The following MALRD1 variants were observed in gnomAD, a reference collection of about 807,000 sequenced individuals.
MALRD1 encodes MAM and LDL receptor class A domain containing 1.
In MALRD1, 247 loss-of-function variants were observed where a neutral mutation model predicts 242.1. The ratio of observed to expected loss-of-function variants is 1.02; its 90% CI spans 0.92 to 1.13. MALRD1 has a LOEUF of 1.13. Ranked by LOEUF, MALRD1 falls within the 50% of genes most tolerant of loss-of-function variation. MALRD1 has a pLI of 0.00. For missense variants in MALRD1, 2,989 were observed against 2,533.1 expected (o/e 1.18, Z -3.86); for synonymous variants, 995 against 866.6 (o/e 1.15, Z -2.60).
At chr10:19,582,695 T>G (rs1837191418) in intron 33 of MALRD1, among the ~76,000 whole-genome samples, 1 of 119,096 alleles carries the variant, frequency 8.4e-6, no homozygotes, top group African/African-American at 3.1e-5. Context: ...AGGATTGACT[T>G]GGCGATGCGG....
At position 19,257,687 on chromosome 10, in the gene MALRD1, T is replaced by C. The variant is rs1381055759; in HGVS notation, c.2995T>C (p.Leu999=). Residue 999 remains leucine (L), a synonymous_variant, in exon 19 of 40, where the codon TTG becomes CTG. Coordinates refer to ENST00000454679, the MANE Select transcript of MALRD1 (RefSeq NM_001142308.3). ...ATTTTTTATTTTATTTTTTTAGATA[T>C]TGGTGGAGGCTTCAGTGGGAGATGG... ...NISSRQPFQI[L]VEASVGDGFT... The C allele has an allele frequency of 5.2e-6, 8 of 1,530,624 alleles. No homozygotes were observed. In the Admixed American group the frequency reaches 1.4e-4, roughly 27 times the overall value. 94.8% of individuals were successfully genotyped at this position (1,530,624 alleles called of 1,614,324 possible). A position where few individuals can be genotyped will look rare whatever the true frequency, so the allele number is the denominator to read the frequency against.
Position 19,531,357 on chromosome 10 carries a change from A to G in MALRD1, c.5478+6A>G. On this transcript the variant is annotated splice_donor_region_variant and intron_variant, in intron 32 of 39. Transcript: ENST00000454679. Reference sequence around the variant, plus strand: ...GGAGTATGGGAATATTAAAGGTACAAAAGGAAGCCAGAGATTTATGATCAC... The same window carrying G: ...GGAGTATGGGAATATTAAAGGTACAGAAGGAAGCCAGAGATTTATGATCAC... The G allele has an allele frequency of 1.3e-6, 2 of 1,520,698 alleles. No individual in the cohort carries two copies. Among genetic ancestry groups the G allele is most frequent in the Non-Finnish European group, 1.8e-6 (2 of 1,127,132 alleles). 94.2% of individuals were successfully genotyped at this position (1,520,698 alleles called of 1,614,324 possible). A position where few individuals can be genotyped will look rare whatever the true frequency, so the allele number is the denominator to read the frequency against.
At chr10:19,551,540 C>A (rs1230110009) in intron 32 of MALRD1, among the ~76,000 whole-genome samples, 1 of 152,068 alleles carries the variant, frequency 6.6e-6, no homozygotes, top group Non-Finnish European at 1.5e-5. Flanking sequence ...AGGATCATGT[C>A]GCCTGCAAAG....
At chr10:19,585,005 C>G (rs1052294644) in intron 33 of MALRD1, among the ~76,000 whole-genome samples, 1 of 152,068 alleles carries the variant, frequency 6.6e-6, no homozygotes, top group East Asian at 1.9e-4. Context: ...CTTTTGATCT[C>G]TGTTGGTTTA....
At chr10:19,714,091 C>A (rs73595901) in intron 38 of MALRD1, among the ~76,000 whole-genome samples, 3,879 of 152,190 alleles carry the variant, frequency 0.025, 108 homozygotes, top group African/African-American at 0.075. Flanking sequence ...TGTCTGTAGG[C>A]AGCTTGTGTT....
intron 29 of MALRD1, among the ~76,000 whole-genome samples, chr10:19,456,548 TC>T (rs61094355): frequency 0.067 from 10,149 of 152,086 alleles, 1,055 homozygotes; most frequent in African/African-American, 0.23. Context: ...TAAAGATAAC[TC>T]CATAGAGTTT....
chr10:19,573,652 A>G (rs1323256465), intron 33 of MALRD1, among the ~76,000 whole-genome samples: 2 of 152,124 alleles, frequency 1.3e-5, no homozygotes, highest in Admixed American at 1.3e-4. Flanking sequence ...CATTCATGAA[A>G]TGATTATTGT....
chr10:19,733,925 G>A (rs987503107), intron 39 of MALRD1, among the ~76,000 whole-genome samples: 1 of 151,976 alleles, frequency 6.6e-6, no homozygotes, highest in Non-Finnish European at 1.5e-5. Flanking sequence ...CCGACCAGAG[G>A]TGAGGCAGTG....
chr10:19,558,641 C>G (rs768387766), intron 32 of MALRD1, among the ~76,000 whole-genome samples: 2 of 152,064 alleles, frequency 1.3e-5, no homozygotes, highest in Non-Finnish European at 2.9e-5. Context: ...TTTGCTAATA[C>G]TTTTTGAGAA....
At chr10:19,274,809 C>T (rs560571835) in intron 19 of MALRD1, among the ~76,000 whole-genome samples, 3 of 152,004 alleles carry the variant, frequency 2.0e-5, no homozygotes, top group African/African-American at 7.2e-5. Flanking sequence ...AAGGTGCTTG[C>T]CGAGAGCTGG....
At position 19,342,617 on chromosome 10, in the gene MALRD1, G is replaced by A. The variant is rs1360373296; in HGVS notation, c.3902-5154G>A. 2.6e-5 allele frequency among the ~76,000 whole-genome samples: 4 copies of A among 152,222 alleles called. No individual in the cohort carries two copies. The South Asian group carries it at 8.3e-4, about 32-fold the overall frequency. ...TGGGCTTTCATGAAAGTAACACATT[G>A]CTTTGAAAACAACCAGTGTGTTTTC... On this transcript the variant is annotated intron_variant, in intron 24 of 39. Coordinates refer to ENST00000454679, the MANE Select transcript of MALRD1 (RefSeq NM_001142308.3).
At chr10:19,603,995 T>C (rs1333194014) in intron 34 of MALRD1, among the ~76,000 whole-genome samples, 1 of 152,196 alleles carries the variant, frequency 6.6e-6, no homozygotes, top group South Asian at 2.1e-4. Context: ...TTTGGCCAAC[T>C]ACAATAGCTT....
chr10:19,216,976 T>TA (rs920555695), intron 18 of MALRD1, among the ~76,000 whole-genome samples: 3 of 148,992 alleles, frequency 2.0e-5, no homozygotes, highest in African/African-American at 7.4e-5. Flanking sequence ...AAAATAAAAT[T>TA]AAAAAAAATG....
At chr10:19,185,279 A>G (rs1835688505) in intron 14 of MALRD1, among the ~76,000 whole-genome samples, 1 of 152,226 alleles carries the variant, frequency 6.6e-6, no homozygotes, top group Non-Finnish European at 1.5e-5. Context: ...TTGTAAAGAC[A>G]TTTTAATATT....
intron 14 of MALRD1, among the ~76,000 whole-genome samples, chr10:19,193,310 C>G (rs542647276): frequency 1.3e-5 from 2 of 152,172 alleles, no homozygotes; most frequent in Non-Finnish European, 2.9e-5. Context: ...AATCTCAGCA[C>G]TTTGAGAGGC....
chr10:19,334,881 C>G (rs1412663368), intron 24 of MALRD1, among the ~76,000 whole-genome samples: 1 of 152,004 alleles, frequency 6.6e-6, no homozygotes. Flanking sequence ...TCCAGTGTAT[C>G]TCTTTCCTAG....
At chr10:19,591,093 A>G (rs1315974767) in intron 33 of MALRD1, among the ~76,000 whole-genome samples, 2 of 152,148 alleles carry the variant, frequency 1.3e-5, no homozygotes, top group Non-Finnish European at 2.9e-5. Flanking sequence ...TTCCTGGCAG[A>G]TACTTTTCCT....
At chr10:19,070,896 A>C (rs4408221) in intron 2 of MALRD1, among the ~76,000 whole-genome samples, 30,106 of 131,766 alleles carry the variant, frequency 0.23, 3,223 homozygotes, top group Middle Eastern at 0.39. Context: ...CTGTTGCCCA[A>C]GCTGGAGTGT....
intron 31 of MALRD1, 76 bp from the exon 32 acceptor site, chr10:19,531,118 G>A: frequency 8.1e-7 from 1 of 1,236,078 alleles, no homozygotes; most frequent in Non-Finnish European, 1.1e-6. Flanking sequence ...AAAGATATCT[G>A]TTAATAGTTT....
Sources: allele counts gnomAD v4.1 joint callset (sites outside exome capture counted in the v4.1 genomes callset), GRCh38; gene constraint gnomAD v4.1.1; transcripts MANE v1.5; gene names NCBI Gene and HGNC (gene_info 2026-07-23, HGNC 2026-07-21).